Variants in POU3F3 observed in about 807,000 individuals in gnomAD.
POU3F3 encodes the protein POU domain, class 3, transcription factor 3.
Under a neutral mutation model 8.6 loss-of-function variants are expected in POU3F3, and 1 was observed. That is an observed-to-expected ratio of 0.12 (90% CI 0.04 to 0.55). The LOEUF (loss-of-function observed/expected upper bound fraction) is 0.55. Among genes scored for constraint, POU3F3 ranks in the 20% least tolerant of loss-of-function variants. The pLI, the probability that POU3F3 is intolerant of heterozygous loss-of-function variation, is 0.91. For synonymous variants in POU3F3, 418 were observed against 327.4 expected (o/e 1.28, Z -2.99); for missense variants, 577 against 690.7 (o/e 0.84, Z 1.84).
the POU3F3 span, among the ~76,000 whole-genome samples, chr2:104,917,347 T>C: frequency 6.6e-6 from 1 of 152,242 alleles, no homozygotes; most frequent in Non-Finnish European, 1.5e-5. Flanking sequence ...GAGCTTGAGA[T>C]GACTATTGTC....
the POU3F3 span, among the ~76,000 whole-genome samples, chr2:104,894,183 T>C: frequency 6.6e-6 from 1 of 152,248 alleles, no homozygotes; most frequent in East Asian, 1.9e-4. Context: ...GGATCAGATA[T>C]GCATCGCACA....
At chr2:104,873,444 C>T in the POU3F3 span, among the ~76,000 whole-genome samples, 1 of 152,136 alleles carries the variant, frequency 6.6e-6, no homozygotes, top group Non-Finnish European at 1.5e-5. Context: ...CGCGCCCCAG[C>T]CCTGGGCCGG....
the POU3F3 span, among the ~76,000 whole-genome samples, chr2:104,919,789 CCCTT>C: frequency 1.3e-5 from 2 of 151,820 alleles, no homozygotes; most frequent in Non-Finnish European, 2.9e-5. Context: ...TCCTTCCCTT[CCCTT>C]CCTTCCTCTC....
At chr2:104,881,098 T>C in the POU3F3 span, among the ~76,000 whole-genome samples, 1 of 125,960 alleles carries the variant, frequency 7.9e-6, no homozygotes, top group East Asian at 2.5e-4. Flanking sequence ...CATATATATT[T>C]TCTCTTTCTT....
Position 104,854,312 on chromosome 2 carries a change from C to G in POU3F3, c.-1199C>G. 6.6e-6 allele frequency among the ~76,000 whole-genome samples: 1 copy of G among 152,210 alleles called. No individual in the cohort carries two copies. The highest frequency in any genetic ancestry group is 1.9e-4 in the East Asian group (1 of 5,178). ...CACGGCCAGCGCCAGCGCCCGCCGT[C>G]GGTGCACTCTACGAGCCGTGCAGCG... is the stretch of plus-strand genomic sequence containing the variant. On this transcript the variant is annotated 5_prime_UTR_variant, in exon 1 of 1. Coordinates refer to ENST00000361360, the MANE Select transcript of POU3F3 (RefSeq NM_006236.3). The surrounding 1 kb of genome is among the most constrained non-coding windows in gnomAD (Gnocchi z 4.5).
chr2:104,917,205 T>A, the POU3F3 span, among the ~76,000 whole-genome samples: 1 of 152,186 alleles, frequency 6.6e-6, no homozygotes, highest in Non-Finnish European at 1.5e-5. Flanking sequence ...CTTTTCAGCC[T>A]CCATAATTGC....
Position 104,856,413 on chromosome 2 carries a change from G to C in POU3F3, c.903G>C (p.Ala301=), listed in dbSNP as rs750637952. 28 of 1,595,688 alleles carry C rather than the reference G, an allele frequency of 1.8e-5. No individual in the cohort carries two copies. Among genetic ancestry groups the C allele is most frequent in the Non-Finnish European group, 2.4e-5 (28 of 1,172,332 alleles). ...PPHHGGGGGG[A]GPGLNSHDPH... is the part of the protein sequence containing the mutation. ...ACCACGGCGGCGGCGGCGGCGGCGCGGGGCCTGGACTCAACAGCCACGACC... is the reference window on the plus strand; with the variant it reads ...ACCACGGCGGCGGCGGCGGCGGCGCCGGGCCTGGACTCAACAGCCACGACC... Residue 301 remains alanine, a synonymous_variant, in exon 1 of 1, where the codon GCG becomes GCC. Coordinates refer to ENST00000361360, the MANE Select transcript of POU3F3 (RefSeq NM_006236.3).
At chr2:104,919,637 T>G in the POU3F3 span, among the ~76,000 whole-genome samples, 1 of 152,200 alleles carries the variant, frequency 6.6e-6, no homozygotes, top group African/African-American at 2.4e-5. Context: ...TTTACTTCTC[T>G]TTCTCTCAAC....
At chr2:104,861,408 C>T (rs1249683271), downstream of POU3F3, among the ~76,000 whole-genome samples, 4 of 152,028 alleles carry the variant, frequency 2.6e-5, no homozygotes, top group African/African-American at 7.3e-5. Flanking sequence ...GGCAGAAAGA[C>T]AGAAATTAAA....
the POU3F3 span, among the ~76,000 whole-genome samples, chr2:104,894,959 A>T: frequency 6.6e-6 from 1 of 151,922 alleles, no homozygotes; most frequent in Non-Finnish European, 1.5e-5. Context: ...CCTTAACTGT[A>T]CTATTTTCCT....
At chr2:104,901,966 GACTCAGCAGCAA>G in the POU3F3 span, among the ~76,000 whole-genome samples, 2 of 152,188 alleles carry the variant, frequency 1.3e-5, no homozygotes, top group Non-Finnish European at 2.9e-5. Flanking sequence ...CCAAGGCTTA[GACTCAGCAGCAA>G]CATTTCTAGA....
chr2:104,887,232 A>G, the POU3F3 span, among the ~76,000 whole-genome samples: 12 of 152,184 alleles, frequency 7.9e-5, no homozygotes, highest in African/African-American at 2.9e-4. Context: ...TTGTTTTATC[A>G]GCAAGGTCTT....
At chr2:104,923,574 C>CA in the POU3F3 span, among the ~76,000 whole-genome samples, 9 of 151,656 alleles carry the variant, frequency 5.9e-5, no homozygotes, top group Admixed American at 5.3e-4. Flanking sequence ...CATTTTACTA[C>CA]AAAAAAATCA....
chr2:104,885,924 G>T, the POU3F3 span, among the ~76,000 whole-genome samples: 1 of 152,060 alleles, frequency 6.6e-6, no homozygotes, highest in Non-Finnish European at 1.5e-5. Flanking sequence ...GGCCCCCAGA[G>T]TAGCTGGGAT....
the POU3F3 span, among the ~76,000 whole-genome samples, chr2:104,927,670 C>A: frequency 8.7e-5 from 13 of 148,800 alleles, no homozygotes; most frequent in South Asian, 2.8e-3. Flanking sequence ...TTGTTCAAGC[C>A]CAAGAGTTTA....
At chr2:104,860,752 C>CTTTTTTTT (rs1178339577), downstream of POU3F3, among the ~76,000 whole-genome samples, 1 of 50,242 alleles carries the variant, frequency 2.0e-5, no homozygotes, top group African/African-American at 9.1e-5. Context: ...GTTGCTCTGC[C>CTTTTTTTT]TTTTTTTTTT....
At chr2:104,886,956 A>AG in the POU3F3 span, among the ~76,000 whole-genome samples, 1 of 152,218 alleles carries the variant, frequency 6.6e-6, no homozygotes, top group Middle Eastern at 3.4e-3. Context: ...AAGAAAGCAA[A>AG]GGAAAAAAAA....
chr2:104,889,073 G>C, the POU3F3 span, among the ~76,000 whole-genome samples: 1 of 152,240 alleles, frequency 6.6e-6, no homozygotes, highest in Non-Finnish European at 1.5e-5. Flanking sequence ...CACCTCCTTA[G>C]CTGTAATAAC....
the POU3F3 span, among the ~76,000 whole-genome samples, chr2:104,925,150 T>C: frequency 6.6e-6 from 1 of 152,216 alleles, no homozygotes; most frequent in South Asian, 2.1e-4. Context: ...TTTGTACTCA[T>C]GCCTACAAGT....
Sources: gnomAD v4.1 joint callset for allele counts (sites outside exome capture counted in the v4.1 genomes callset) on GRCh38, gnomAD v4.1.1 for gene constraint, Gnocchi (gnomAD v3.1) non-coding constraint, MANE v1.5 for transcripts, NCBI Gene and HGNC (gene_info 2026-07-23, HGNC 2026-07-21) for gene names.